The following ZNF296 variants were observed in gnomAD, a reference collection of about 807,000 sequenced individuals.
The protein encoded by ZNF296 is zinc finger protein 342.
A neutral mutation model predicts 13.2 loss-of-function variants in ZNF296; 1 was observed. That is an observed-to-expected ratio of 0.08 (90% CI 0.03 to 0.36). The LOEUF (loss-of-function observed/expected upper bound fraction) is 0.36, where lower values mean the gene tolerates loss of function less well. ZNF296 is among the 10% of genes least tolerant of loss of function. The pLI, the probability that ZNF296 is intolerant of heterozygous loss-of-function variation, is 0.99. For missense variants in ZNF296, 555 were observed against 688.2 expected, an observed-to-expected ratio of 0.81 and a Z score of 2.16; for synonymous variants, 303 against 289.0, an observed-to-expected ratio of 1.05 and a Z score of -0.49.
In ZNF296 at chr19:45,071,562, G is replaced by C. The variant is rs1350671995; in HGVS notation, c.*39C>G. 2 of 1,499,972 alleles carry C rather than the reference G, an allele frequency of 1.3e-6. No individual in the cohort carries two copies. Among genetic ancestry groups the C allele is most frequent in the African/African-American group, 2.8e-5 (2 of 71,502 alleles). The allele number at this position is 1,499,972 out of a possible 1,614,324, so 92.9% of individuals were successfully genotyped here. A position where few individuals can be genotyped will look rare whatever the true frequency, so the allele number is the denominator to read the frequency against. Reference sequence around the variant, plus strand: ...AAAACGAGGAGGTCAATGGGTGTTGGCAGCGGTACCAGGGACAGTGAGGGG... The same window carrying C: ...AAAACGAGGAGGTCAATGGGTGTTGCCAGCGGTACCAGGGACAGTGAGGGG... On this transcript the variant is annotated 3_prime_UTR_variant, in exon 3 of 3. Coordinates refer to ENST00000303809, the MANE Select transcript of ZNF296 (RefSeq NM_145288.3).
In ZNF296 at chr19:45,071,967, G is replaced by A; in HGVS notation, c.1062C>T (p.Ala354=). 1.2e-6 allele frequency: 2 copies of A among 1,613,666 alleles called. No individual in the cohort carries two copies. Among genetic ancestry groups the A allele is most frequent in the Non-Finnish European group, 1.7e-6 (2 of 1,180,028 alleles). The change falls in exon 3 of 3, where the codon GCC becomes GCT. Residue 354 remains alanine, a synonymous_variant. Transcript: ENST00000303809. ...QAGPGGDTWG[A]ITTEQRTDPA... ...GGTCAGTTCTTTGTTCCGTGGTGAT[G>A]GCTCCCCAAGTGTCTCCACCAGGGC... is the stretch of plus-strand genomic sequence containing the variant.
rs141418803 is a variant in ZNF296, at chr19:45,071,625, G to A, written c.1404C>T (p.His468=). Residue 468 remains histidine (H), a synonymous_variant, in exon 3 of 3, where the codon CAC becomes CAT. Coordinates refer to ENST00000303809, the MANE Select transcript of ZNF296 (RefSeq NM_145288.3). ...CTCAGGCCTCGCCGGCCGCCTCAGG[G>A]TGCTTCTGCCGCAGGTGTTTGTCCA... ...ATLDKHLRQK[H]PEAAGEA is the part of the protein sequence containing the mutation. 5 of 1,526,112 alleles carry A rather than the reference G, an allele frequency of 3.3e-6. No individual in the cohort carries two copies. Among genetic ancestry groups the A allele is most frequent in the East Asian group, 2.3e-5 (1 of 44,252 alleles). The allele number at this position is 1,526,112 out of a possible 1,614,324, so 94.5% of individuals were successfully genotyped here.
intron 2 of ZNF296, among the ~76,000 whole-genome samples, chr19:45,073,058 T>C (rs987539973): frequency 7.9e-5 from 12 of 152,234 alleles, no homozygotes; most frequent in African/African-American, 2.9e-4. Context: ...GGCCATGTGT[T>C]TGAAAATCTT....
Position 45,071,709 on chromosome 19 carries a change from A to G in ZNF296, c.1320T>C (p.Pro440=). The G allele has an allele frequency of 1.3e-6, 2 of 1,595,580 alleles. No homozygotes were observed. Among genetic ancestry groups the G allele is most frequent in the Non-Finnish European group, 1.7e-6 (2 of 1,169,770 alleles). ...GGGGGCACTCGAAGCGGGTGCTGCC[A>G]GGCGTCATGCCGTGCATGCGGCGGT... is the stretch of plus-strand genomic sequence containing the variant. ...NRHRRMHGMT[P]GSTRFECPHC... Residue 440 remains proline, a synonymous_variant, in exon 3 of 3, where the codon CCT becomes CCC. Coordinates refer to ENST00000303809, the MANE Select transcript of ZNF296 (RefSeq NM_145288.3).
In ZNF296 at chr19:45,072,032, C is replaced by T. The variant is rs974637086; in HGVS notation, c.997G>A (p.Val333Ile). ...CTGCCAGGAGCCCCGGGTTCCTGGA[C>T]ACCTGCTGTGGCGGCGGCTCCAGCC... ...EGAGAAATAG[V>I]QEPGAPGSGA... The change falls in exon 3 of 3, where the codon GTC becomes ATC. Residue 333 changes from valine to isoleucine, a missense_variant. This residue lies in a region of ZNF296 where 410 missense variants were observed against 548.0 expected (regional missense o/e 0.75). Transcript: ENST00000303809. 1.2e-6 allele frequency: 2 copies of T among 1,613,118 alleles called. No homozygotes were observed. The highest frequency in any genetic ancestry group is 8.5e-7 in the Non-Finnish European group (1 of 1,180,000).
Position 45,075,749 on chromosome 19 carries a change from G to T in ZNF296, c.412C>A (p.Gln138Lys). ...AFMDHKKLGC[Q>K]LFRGPSRGQG... ...CCGCGGCTGGGGCCTCTGAAGAGCT[G>T]ACAGCCCAGCTTCTTGTGGTCCATG... Residue 138 changes from glutamine to lysine, a missense_variant, in exon 2 of 3, where the codon CAG (glutamine) becomes AAG (lysine). By Grantham distance (53) the Gln-to-Lys change is moderately conservative. This residue lies in a region of ZNF296 where 410 missense variants were observed against 548.0 expected (regional missense o/e 0.75). Transcript: ENST00000303809. 1 of 1,614,156 alleles carries T rather than the reference G, an allele frequency of 6.2e-7. No homozygotes were observed. The highest frequency in any genetic ancestry group is 1.1e-5 in the South Asian group (1 of 91,076).
intron 2 of ZNF296, 109 bp downstream of exon 2, chr19:45,075,604 G>T: frequency 7.3e-7 from 1 of 1,371,410 alleles, no homozygotes; most frequent in Non-Finnish European, 9.9e-7. Flanking sequence ...CCGATGGGGA[G>T]CGAGAAAGGG....
Position 45,076,229 on chromosome 19 carries a change from C to A in ZNF296, c.145G>T (p.Gly49Trp). The A allele has an allele frequency of 6.6e-7, 1 of 1,509,412 alleles. No homozygotes were observed. Among genetic ancestry groups the A allele is most frequent in the Non-Finnish European group, 8.8e-7 (1 of 1,133,260 alleles). 93.5% of individuals were successfully genotyped at this position (1,509,412 alleles called of 1,614,324 possible). A position where few individuals can be genotyped will look rare whatever the true frequency, so the allele number is the denominator to read the frequency against. The change falls in exon 1 of 3, where the codon GGG (glycine) becomes TGG (tryptophan). Residue 49 changes from glycine (G) to tryptophan (W), a missense_variant. Physicochemically the swap from Gly to Trp is radical, Grantham distance 184. This residue lies in a region of ZNF296 where 137 missense variants were observed against 121.9 expected (regional missense o/e 1.12). Coordinates refer to ENST00000303809, the MANE Select transcript of ZNF296 (RefSeq NM_145288.3). The surrounding 1 kb of genome is among the most constrained non-coding windows in gnomAD (Gnocchi z 4.9). ...GACACCTCCTTCGGGGAGAAGGGCC[C>A]CAGCCTTGGGGCCTGTTGGGGCTGC... is the stretch of plus-strand genomic sequence containing the variant. ...DAQPQQAPRL[G>W]PFSPKEVSSA...
In ZNF296 at chr19:45,071,566, C is replaced by G; in HGVS notation, c.*35G>C. 1 of 1,500,458 alleles carries G rather than the reference C, an allele frequency of 6.7e-7. No homozygotes were observed. 92.9% of individuals were successfully genotyped at this position (1,500,458 alleles called of 1,614,324 possible). A position where few individuals can be genotyped will look rare whatever the true frequency, so the allele number is the denominator to read the frequency against. On this transcript the variant is annotated 3_prime_UTR_variant, in exon 3 of 3. Transcript: ENST00000303809. ...CGAGGAGGTCAATGGGTGTTGGCAG[C>G]GGTACCAGGGACAGTGAGGGGGGCT... is the stretch of plus-strand genomic sequence containing the variant.
chr19:45,073,907 G>A (rs1160892104), intron 2 of ZNF296, among the ~76,000 whole-genome samples: 4 of 150,538 alleles, frequency 2.7e-5, no homozygotes, highest in South Asian at 2.1e-4. Flanking sequence ...CTGTAATCCC[G>A]GCCACTTGGG....
At chr19:45,074,148 C>G (rs1333437971) in intron 2 of ZNF296, among the ~76,000 whole-genome samples, 2 of 152,012 alleles carry the variant, frequency 1.3e-5, no homozygotes, top group African/African-American at 4.8e-5. Context: ...CACCTGAGGT[C>G]AGGAGTTTGA....
At position 45,071,790 on chromosome 19, in the gene ZNF296, G is replaced by T. The variant is rs140532757; in HGVS notation, c.1239C>A (p.Pro413=). Residue 413 remains proline (P), a synonymous_variant, in exon 3 of 3, where the codon CCC becomes CCA. Coordinates refer to ENST00000303809, the MANE Select transcript of ZNF296 (RefSeq NM_145288.3). The stretch of plus-strand genomic sequence containing the variant: ...CGTAGTTGCAGAACTCACAGGTGTA[G>T]GGGCGCTCCCCGGTGTGTGAGCGCC... ...VHRRSHTGER[P]YTCEFCNYAC... The T allele has an allele frequency of 1.7e-5, 27 of 1,613,278 alleles. No homozygotes were observed. The highest frequency in any genetic ancestry group is 3.3e-5 in the Admixed American group (2 of 60,004).
At chr19:45,074,512 AC>A (rs1300223676) in intron 2 of ZNF296, among the ~76,000 whole-genome samples, 1 of 152,130 alleles carries the variant, frequency 6.6e-6, no homozygotes, top group Non-Finnish European at 1.5e-5. Context: ...CTCTCAGTGG[AC>A]ACTTCCTAGG....
rs1031082019 is a variant in ZNF296, at chr19:45,076,033, G to A, written c.298+43C>T. The A allele has an allele frequency of 6.4e-7, 1 of 1,571,500 alleles. No homozygotes were observed. The highest frequency in any genetic ancestry group is 8.6e-7 in the Non-Finnish European group (1 of 1,164,304). ...CCAAAGGGAAGGGTCCCACCCGAGGGTCAAAGGTAAGGGAGGCTGGGCCCA... is the reference window on the plus strand; with the variant it reads ...CCAAAGGGAAGGGTCCCACCCGAGGATCAAAGGTAAGGGAGGCTGGGCCCA... On this transcript the variant is annotated intron_variant, in intron 1 of 2. Coordinates refer to ENST00000303809, the MANE Select transcript of ZNF296 (RefSeq NM_145288.3). This position sits in a 1 kb window ranked among gnomAD's most constrained non-coding sequence, Gnocchi z 4.9.
rs371344912 is a variant in ZNF296 at position 45,076,215 on chromosome 19, C to T, written c.159G>A (p.Pro53=). The T allele has an allele frequency of 1.7e-5, 25 of 1,504,894 alleles. No individual in the cohort carries two copies. In the African/African-American group the frequency reaches 3.0e-4, roughly 18 times the overall value. 93.2% of individuals were successfully genotyped at this position (1,504,894 alleles called of 1,614,324 possible). A position where few individuals can be genotyped will look rare whatever the true frequency, so the allele number is the denominator to read the frequency against. Residue 53 remains proline, a synonymous_variant, in exon 1 of 3, where the codon CCG becomes CCA. Transcript: ENST00000303809. This position sits in a 1 kb window ranked among gnomAD's most constrained non-coding sequence, Gnocchi z 4.9. Reference sequence around the variant, plus strand: ...ACCGCCCCGCCGAGGACACCTCCTTCGGGGAGAAGGGCCCCAGCCTTGGGG... The same window carrying T: ...ACCGCCCCGCCGAGGACACCTCCTTTGGGGAGAAGGGCCCCAGCCTTGGGG... ...QQAPRLGPFS[P]KEVSSAGRFG...
chr19:45,072,770 A>C (rs1000186948), intron 2 of ZNF296, among the ~76,000 whole-genome samples, 190 bp from the exon 3 acceptor site: 2 of 151,902 alleles, frequency 1.3e-5, no homozygotes, highest in African/African-American at 4.8e-5. Flanking sequence ...TAAGTACCTG[A>C]AAACATTTTT....
In ZNF296 at chr19:45,076,262, G is replaced by C; in HGVS notation, c.112C>G (p.Pro38Ala). The C allele has an allele frequency of 6.7e-7, 1 of 1,498,574 alleles. No individual in the cohort carries two copies. The highest frequency in any genetic ancestry group is 8.9e-7 in the Non-Finnish European group (1 of 1,127,630). The allele number at this position is 1,498,574 out of a possible 1,614,324, so 92.8% of individuals were successfully genotyped here. A position where few individuals can be genotyped will look rare whatever the true frequency, so the allele number is the denominator to read the frequency against. Reference sequence around the variant, plus strand: ...GGGGCCTGTTGGGGCTGCGCGTCTGGCTCGGGCTTGAGTTCGATGACGAGG... The same window carrying C: ...GGGGCCTGTTGGGGCTGCGCGTCTGCCTCGGGCTTGAGTTCGATGACGAGG... ...QDLVIELKPE[P>A]DAQPQQAPRL... The change falls in exon 1 of 3, where the codon CCA becomes GCA. Residue 38 changes from proline to alanine, a missense_variant. Pro to Ala is a conservative substitution (Grantham distance 27, BLOSUM62 -1). Transcript: ENST00000303809. The surrounding 1 kb of genome is among the most constrained non-coding windows in gnomAD (Gnocchi z 4.9).
chr19:45,072,114 C>T lies in ZNF296; in HGVS notation c.915G>A (p.Glu305=). The T allele has an allele frequency of 6.2e-7, 1 of 1,608,384 alleles. No homozygotes were observed. Among genetic ancestry groups the T allele is most frequent in the Non-Finnish European group, 8.5e-7 (1 of 1,177,164 alleles). The change falls in exon 3 of 3, where the codon GAG becomes GAA. Residue 305 remains glutamate, a synonymous_variant. Transcript: ENST00000303809. ...SQEQASAAPP[E]PAVHAAAPTS... ...TGGGGGCAGCAGCATGGACAGCCGG[C>T]TCCGGAGGGGCTGCAGAGGCCTGCT...
At chr19:45,072,642 G>A (rs2122631413) in intron 2 of ZNF296, 62 bp from the exon 3 acceptor site, 7 of 1,522,284 alleles carry the variant, frequency 4.6e-6, no homozygotes, top group Admixed American at 2.1e-5. Context: ...CCTTCTGTGG[G>A]ATAGGCACTC....
Sources: allele counts gnomAD v4.1 joint callset (sites outside exome capture counted in the v4.1 genomes callset), GRCh38; gene constraint gnomAD v4.1.1; regional missense constraint gnomAD v4.1.1; non-coding constraint Gnocchi (gnomAD v3.1); transcripts MANE v1.5; gene names NCBI Gene and HGNC (gene_info 2026-07-23, HGNC 2026-07-21).